MYO18A: variants seen among roughly 807,000 people sequenced by gnomAD.
The protein encoded by MYO18A is myosin XVIIIA.
MYO18A carries 78 observed loss-of-function variants against 235.8 expected under a neutral mutation model. The ratio of observed to expected loss-of-function variants is 0.33; its 90% CI spans 0.28 to 0.40. The LOEUF (loss-of-function observed/expected upper bound fraction) is 0.40, where lower values mean the gene tolerates loss of function less well. Among genes scored for constraint, MYO18A ranks in the 10% least tolerant of loss-of-function variants. MYO18A has a pLI of 1.00. For missense variants in MYO18A, 2,215 were observed against 2,699.3 expected (o/e 0.82, Z 3.98); for synonymous variants, 977 against 1,077.8 (o/e 0.91, Z 1.83).
intron 2 of MYO18A, among the ~76,000 whole-genome samples, chr17:29,123,372 G>A (rs915074294): frequency 6.6e-6 from 1 of 152,242 alleles, no homozygotes; most frequent in African/African-American, 2.4e-5. Flanking sequence ...GAGGGCCCCA[G>A]CTGTGAGGCA....
At chr17:29,154,121 T>TGTGTGTGTGTGTGTGTGTGCGCGCGC (rs142430455) in intron 2 of MYO18A, among the ~76,000 whole-genome samples, 1 of 149,000 alleles carries the variant, frequency 6.7e-6, no homozygotes, top group African/African-American at 2.5e-5. Flanking sequence ...TGTGTGTGTG[T>TGTGTGTGTGTGTGTGTGTGCGCGCGC]GCGCGCGCGT....
intron 1 of MYO18A, among the ~76,000 whole-genome samples, chr17:29,170,296 C>T (rs1018230148): frequency 1.3e-5 from 2 of 152,174 alleles, no homozygotes; most frequent in Non-Finnish European, 2.9e-5. Context: ...TCACAAGGCA[C>T]CTCTTCCCCA....
intron 2 of MYO18A, chr17:29,124,812 G>T (rs537368109): frequency 1.3e-6 from 1 of 769,210 alleles, no homozygotes; most frequent in Non-Finnish European, 1.8e-6. Context: ...TCCAAGGCTC[G>T]GGGTGAAGGT....
intron 2 of MYO18A, among the ~76,000 whole-genome samples, chr17:29,143,038 C>T (rs1402582344): frequency 6.6e-6 from 1 of 152,136 alleles, no homozygotes; most frequent in Admixed American, 6.5e-5. Flanking sequence ...GAACTCCTGA[C>T]CGCAAGTGAT....
rs1202982359 is a variant in MYO18A, at chr17:29,126,204, C to T, written c.1000-3951G>A. Among the ~76,000 whole-genome samples, 2 of 152,166 alleles carry T rather than the reference C, an allele frequency of 1.3e-5. No homozygotes were observed. Among genetic ancestry groups the T allele is most frequent in the Non-Finnish European group, 2.9e-5 (2 of 68,010 alleles). ...CTTGAGCACCAAATGGCCCTATTAT[C>T]CCACTTGCCCTCTGGACCCTTCCCC... is the stretch of plus-strand genomic sequence containing the variant. On this transcript the variant is annotated intron_variant, in intron 2 of 41. Coordinates refer to ENST00000527372, the MANE Select transcript of MYO18A (RefSeq NM_078471.4). The surrounding 1 kb of genome is among the most constrained non-coding windows in gnomAD (Gnocchi z 4.1).
chr17:29,092,935 G>C lies in MYO18A; in HGVS notation c.4993C>G (p.Leu1665Val). 2 of 1,613,924 alleles carry C rather than the reference G, an allele frequency of 1.2e-6. No individual in the cohort carries two copies. Among genetic ancestry groups the C allele is most frequent in the Non-Finnish European group, 1.7e-6 (2 of 1,179,870 alleles). The change falls in exon 33 of 42, where the codon CTG becomes GTG. Residue 1665 changes from leucine (L) to valine (V), a missense_variant. Leu to Val is a conservative substitution (Grantham distance 32). Transcript: ENST00000527372. ...RKDLKRTKALLADAQLMLDHL... is the reference protein window; with the variant it reads ...RKDLKRTKALVADAQLMLDHL... ...TCCAGCATGAGCTGGGCATCTGCCA[G>C]CAGGGCCTTGGTGCGCTTCAGGTCC...
chr17:29,132,842 A>C (rs948481740), intron 2 of MYO18A, among the ~76,000 whole-genome samples: 1 of 152,174 alleles, frequency 6.6e-6, no homozygotes, highest in Non-Finnish European at 1.5e-5. Context: ...GAAGGGAGGG[A>C]CTGGTGGACA....
At chr17:29,145,268 G>C (rs2067823654) in intron 2 of MYO18A, among the ~76,000 whole-genome samples, 16 of 152,204 alleles carry the variant, frequency 1.1e-4, no homozygotes, top group Admixed American at 1.0e-3. Flanking sequence ...GATCTGAACG[G>C]TGCACGCACA....
rs753876249 is a variant in MYO18A, at chr17:29,118,115, G to A, written c.1968C>T (p.Pro656=). 6.6e-5 allele frequency: 106 copies of A among 1,595,124 alleles called. No individual in the cohort carries two copies. Among genetic ancestry groups the A allele is most frequent in the Middle Eastern group, 1.7e-4 (1 of 6,054 alleles). ...QAAMKVLGIS[P]DEQKACWFIL... ...TGAACCAGCAGGCCTTCTGTTCATC[G>A]GGGGAGATGCCCAGCACCTTCATGG... The change falls in exon 10 of 42, where the codon CCC becomes CCT. Residue 656 remains proline (P), a synonymous_variant. Coordinates refer to ENST00000527372, the MANE Select transcript of MYO18A (RefSeq NM_078471.4). This position sits in a 1 kb window ranked among gnomAD's most constrained non-coding sequence, Gnocchi z 4.2.
At chr17:29,075,032 T>C (rs1456783869) in intron 41 of MYO18A, 118 bp from the exon 42 acceptor site, 3 of 1,252,236 alleles carry the variant, frequency 2.4e-6, no homozygotes, top group South Asian at 2.9e-5. Flanking sequence ...AGCCAAACAT[T>C]GTTAAGTAAA....
chr17:29,097,122 C>T, intron 27 of MYO18A, 101 bp downstream of exon 27: 1 of 1,522,540 alleles, frequency 6.6e-7, no homozygotes, highest in South Asian at 1.2e-5. Context: ...CGATCCATTC[C>T]AGCCAGGCCT....
At chr17:29,116,319 G>T (rs944318247) in intron 11 of MYO18A, 125 bp downstream of exon 11, 4 of 1,073,424 alleles carry the variant, frequency 3.7e-6, no homozygotes, top group Non-Finnish European at 5.8e-6. Flanking sequence ...CCCACTGATG[G>T]CCCAACAGTG....
chr17:29,108,899 A>C (rs1034577763), intron 19 of MYO18A, among the ~76,000 whole-genome samples: 3 of 152,074 alleles, frequency 2.0e-5, no homozygotes, highest in African/African-American at 4.8e-5. Flanking sequence ...ACGCACATTG[A>C]TTTTGGTTCA....
chr17:29,167,005 G>A lies in MYO18A; in HGVS notation c.-65C>T. 1 of 1,454,406 alleles carries A rather than the reference G, an allele frequency of 6.9e-7. No homozygotes were observed. The highest frequency in any genetic ancestry group is 9.1e-7 in the Non-Finnish European group (1 of 1,101,144). 90.1% of individuals were successfully genotyped at this position (1,454,406 alleles called of 1,614,324 possible). On this transcript the variant is annotated 5_prime_UTR_variant, in exon 2 of 42. Coordinates refer to ENST00000527372, the MANE Select transcript of MYO18A (RefSeq NM_078471.4). ...TTATGAGTGCTTAGCACAGGGCCTT[G>A]GTGCCCCACTTTGCTGCTGCAAACA... is the stretch of plus-strand genomic sequence containing the variant.
chr17:29,086,024 C>A (rs2066244919), intron 39 of MYO18A, among the ~76,000 whole-genome samples: 1 of 152,250 alleles, frequency 6.6e-6, no homozygotes, highest in African/African-American at 2.4e-5. Context: ...TCTCCTCAGC[C>A]TAAGACTACA....
chr17:29,118,138 T>C lies in MYO18A; in HGVS notation c.1945A>G (p.Met649Val), dbSNP rs1412795048. 2 of 1,596,794 alleles carry C rather than the reference T, an allele frequency of 1.3e-6. No individual in the cohort carries two copies. Among genetic ancestry groups the C allele is most frequent in the Non-Finnish European group, 1.7e-6 (2 of 1,171,176 alleles). ...AQQFSKLQAA[M>V]KVLGISPDEQ... ...TCGGGGGAGATGCCCAGCACCTTCATGGCCGCCTGCAGCTTACTAAACTGC... is the reference window on the plus strand; with the variant it reads ...TCGGGGGAGATGCCCAGCACCTTCACGGCCGCCTGCAGCTTACTAAACTGC... The change falls in exon 10 of 42, where the codon ATG (methionine) becomes GTG (valine). Residue 649 changes from methionine to valine, a missense_variant. By Grantham distance (21) the Met-to-Val change is conservative. Transcript: ENST00000527372. This position sits in a 1 kb window ranked among gnomAD's most constrained non-coding sequence, Gnocchi z 4.2.
Position 29,111,860 on chromosome 17 carries a change from G to A in MYO18A, c.2602C>T (p.Arg868Cys), listed in dbSNP as rs371971284. ...GCCTCGTCTGTGCGGGCCAGCGAGC[G>A]GACCTACAGAGAAGGAAGGAAATCC... ...VDQASHQSLV[R>C]SLARTDEARG... The change falls in exon 16 of 42, where the codon CGC becomes TGC. Residue 868 changes from arginine (R) to cysteine (C), a missense_variant. By Grantham distance (180) the Arg-to-Cys change is radical. Transcript: ENST00000527372. The surrounding 1 kb of genome is among the most constrained non-coding windows in gnomAD (Gnocchi z 5.1). 74 of 1,607,546 alleles carry A rather than the reference G, an allele frequency of 4.6e-5. 1 individual carries two copies. In the South Asian group the frequency reaches 4.8e-4, roughly 10 times the overall value.
intron 2 of MYO18A, among the ~76,000 whole-genome samples, chr17:29,165,666 C>G (rs887662897): frequency 3.9e-5 from 6 of 152,296 alleles, no homozygotes; most frequent in African/African-American, 1.4e-4. Flanking sequence ...GGTTGAGAGA[C>G]GAAGGTGTGA....
intron 41 of MYO18A, chr17:29,080,922 G>A (rs2066105595): frequency 2.0e-6 from 2 of 985,338 alleles, no homozygotes; most frequent in Admixed American, 6.1e-5. Context: ...AGTCCTTTAG[G>A]GTGAGCCGCT....
Sources: gnomAD v4.1 joint callset for allele counts (sites outside exome capture counted in the v4.1 genomes callset) on GRCh38, gnomAD v4.1.1 for gene constraint, Gnocchi (gnomAD v3.1) non-coding constraint, MANE v1.5 for transcripts, NCBI Gene and HGNC (gene_info 2026-07-23, HGNC 2026-07-21) for gene names.